MUC22: variants seen among roughly 807,000 people sequenced by gnomAD.
The protein encoded by MUC22 is mucin 22, also known as mucin-22.
In MUC22, 24 loss-of-function variants were observed where a neutral mutation model predicts 40.3. The ratio of observed to expected loss-of-function variants is 0.60; its 90% confidence interval spans 0.43 to 0.84. The LOEUF is 0.84. Among genes scored for constraint, MUC22 ranks in the 40% least tolerant of loss-of-function variants. The pLI, the probability that MUC22 is intolerant of heterozygous loss-of-function variation, is 0.00. For synonymous variants in MUC22, 765 were observed against 844.5 expected (o/e 0.91, Z 1.63); for missense variants, 1,926 against 2,130.7 (o/e 0.90, Z 1.89).
At chr6:31,030,093 T>A (rs1765941458) in exon 2 of MUC22, 6 of 1,526,024 alleles carry the variant, frequency 3.9e-6, no homozygotes, top group Non-Finnish European at 5.3e-6. Flanking sequence ...CCAACACACC[T>A]ATGTCAGGTA....
intron 3 of MUC22, 79 bp from the exon 4 acceptor site, chr6:31,034,593 T>C: frequency 8.2e-7 from 1 of 1,221,868 alleles, no homozygotes; most frequent in Non-Finnish European, 1.1e-6. Flanking sequence ...AATCTGACAT[T>C]GGTGAAACAG....
intron 3 of MUC22, among the ~76,000 whole-genome samples, chr6:31,033,594 G>A (rs1342236745): frequency 6.6e-6 from 1 of 152,194 alleles, no homozygotes; most frequent in Admixed American, 6.5e-5. Flanking sequence ...GTTACCATTT[G>A]AGGAGTGAAG....
intron 2 of MUC22, among the ~76,000 whole-genome samples, chr6:31,030,832 G>T (rs1766009492): frequency 6.6e-6 from 1 of 152,170 alleles, no homozygotes; most frequent in Non-Finnish European, 1.5e-5. Context: ...CATGGGTCAA[G>T]TCTCACCTGT....
At chr6:31,022,706 C>T (rs1464154652) in intron 1 of MUC22, among the ~76,000 whole-genome samples, 2 of 152,072 alleles carry the variant, frequency 1.3e-5, no homozygotes, top group African/African-American at 2.4e-5. Flanking sequence ...ACTCTCATGC[C>T]TTTACAGGAA....
chr6:31,015,863 A>ATT (rs28994678), intron 1 of MUC22, among the ~76,000 whole-genome samples: 1 of 151,844 alleles, frequency 6.6e-6, no homozygotes, highest in Non-Finnish European at 1.5e-5. Context: ...ATTTTATTGC[A>ATT]TTTTTTTCTT....
chr6:31,022,092 C>A (rs1270347605), intron 1 of MUC22, among the ~76,000 whole-genome samples: 1 of 152,070 alleles, frequency 6.6e-6, no homozygotes, highest in Non-Finnish European at 1.5e-5. Flanking sequence ...CCAGCGAGAG[C>A]ACAAACCCAC....
chr6:31,029,768 C>T, exon 2 of MUC22: 1 of 1,534,768 alleles, frequency 6.5e-7, no homozygotes, highest in Non-Finnish European at 8.7e-7. Flanking sequence ...TCTGAGACCA[C>T]CACAGCCTCC....
At chr6:31,018,059 A>T (rs1764374976) in intron 1 of MUC22, among the ~76,000 whole-genome samples, 1 of 152,228 alleles carries the variant, frequency 6.6e-6, no homozygotes, top group Non-Finnish European at 1.5e-5. Flanking sequence ...AGGACACACC[A>T]CTTGTAAGAA....
intron 1 of MUC22, among the ~76,000 whole-genome samples, chr6:31,022,009 A>G (rs1764826208): frequency 6.6e-6 from 1 of 152,160 alleles, no homozygotes; most frequent in Non-Finnish European, 1.5e-5. Flanking sequence ...ACTGAGAGGA[A>G]GGAACAATTC....
chr6:31,027,038 C>T lies in MUC22; in HGVS notation c.1607C>T (p.Thr536Ile), dbSNP rs1765445687. 1.5e-5 allele frequency: 22 copies of T among 1,502,026 alleles called. 2 individuals carry two copies. The highest frequency in any genetic ancestry group is 1.9e-5 in the Non-Finnish European group (21 of 1,122,850). The allele number at this position is 1,502,026 out of a possible 1,614,324, so 93.0% of individuals were successfully genotyped here. ...GCCTCTACTACAGGGTTTGAGACAA[C>T]CGCAGCCTCTACTACAGGCTCTGAG... is the stretch of plus-strand genomic sequence containing the variant. The change falls in exon 2 of 4, where the codon ACC (threonine) becomes ATC (isoleucine). Residue 536 changes from threonine (T) to isoleucine (I), a missense_variant. Around this residue, in one of 3 missense-constraint regions of MUC22, gnomAD observed 1,281 missense variants for 1,337.8 expected, o/e 0.96. Coordinates refer to ENST00000561890, the Ensembl canonical transcript of MUC22.
chr6:31,022,447 A>C (rs9262537), intron 1 of MUC22, among the ~76,000 whole-genome samples: 1 of 150,774 alleles, frequency 6.6e-6, no homozygotes, highest in African/African-American at 2.5e-5. Flanking sequence ...GTGAATCGAC[A>C]GGCAAGACTG....
At chr6:31,026,045 C>A (rs982132047) in exon 2 of MUC22, 3 of 1,530,262 alleles carry the variant, frequency 2.0e-6, no homozygotes, top group Non-Finnish European at 2.6e-6. Flanking sequence ...AGCTCTGAGG[C>A]CACTAAAGTC....
At chr6:31,029,628 TACCACAGTCTCTGAGACC>T in exon 2 of MUC22, 2 of 1,534,158 alleles carry the variant, frequency 1.3e-6, no homozygotes, top group Non-Finnish European at 1.7e-6. Flanking sequence ...CTACAGTCTT[TACCACAGTCTCTGAGACC>T]ACCACAGTCT....
Position 31,011,557 on chromosome 6 carries a change from C to T in MUC22, c.70+781C>T, listed in dbSNP as rs988450044. ...TTTTTATGGCTGAGTAGTATTCCATCGTATATATATGCCAGTTTCTTTATC... is the reference window on the plus strand; with the variant it reads ...TTTTTATGGCTGAGTAGTATTCCATTGTATATATATGCCAGTTTCTTTATC... On this transcript the variant is annotated intron_variant, in intron 1 of 3. Coordinates refer to ENST00000561890, the Ensembl canonical transcript of MUC22. This position sits in a 1 kb window ranked among gnomAD's most constrained non-coding sequence, Gnocchi z 4.5. Among the ~76,000 whole-genome samples, 26 of 152,282 alleles carry T rather than the reference C, an allele frequency of 1.7e-4. No individual in the cohort carries two copies. Among genetic ancestry groups the T allele is most frequent in the African/African-American group, 4.8e-4 (20 of 41,550 alleles).
At chr6:31,006,956 C>A (rs1763561182), upstream of MUC22, among the ~76,000 whole-genome samples, 1 of 151,806 alleles carries the variant, frequency 6.6e-6, no homozygotes, top group African/African-American at 2.4e-5. Flanking sequence ...CAACACCAGC[C>A]TGAGCAATAT....
intron 2 of MUC22, among the ~76,000 whole-genome samples, chr6:31,031,041 T>C (rs1306834856): frequency 1.3e-5 from 2 of 152,226 alleles, no homozygotes; most frequent in Admixed American, 1.3e-4. Context: ...TTTTGTTCAT[T>C]CTCTGGCACT....
chr6:31,013,657 C>G (rs1382421908), intron 1 of MUC22, among the ~76,000 whole-genome samples: 1 of 152,174 alleles, frequency 6.6e-6, no homozygotes, highest in African/African-American at 2.4e-5. Context: ...CATTTACGTT[C>G]ATACTGCATT....
exon 2 of MUC22, chr6:31,025,864 T>C: frequency 3.9e-6 from 6 of 1,535,086 alleles, no homozygotes; most frequent in Non-Finnish European, 5.2e-6. Flanking sequence ...TACTATAGCC[T>C]CCACTACAGT....
chr6:31,030,448 T>C lies in MUC22; in HGVS notation c.4669+348T>C, dbSNP rs575505540. Among the ~76,000 whole-genome samples, 343 of 144,568 alleles carry C rather than the reference T, an allele frequency of 2.4e-3. 2 individuals carry two copies. Among genetic ancestry groups the C allele is most frequent in the African/African-American group, 8.5e-3 (328 of 38,474 alleles). The allele number at this position is 144,568 out of a possible 152,430, so 94.8% of individuals were successfully genotyped here. A position where few individuals can be genotyped will look rare whatever the true frequency, so the allele number is the denominator to read the frequency against. On this transcript the variant is annotated intron_variant, in intron 2 of 3. Transcript: ENST00000561890. Reference sequence around the variant, plus strand: ...AGGAGAATGATGTGAATCCGGGAGGTGGAGCTTGCAGTGAGCAGAGATCGC... The same window carrying C: ...AGGAGAATGATGTGAATCCGGGAGGCGGAGCTTGCAGTGAGCAGAGATCGC...
Sources: allele counts gnomAD v4.1 joint callset (sites outside exome capture counted in the v4.1 genomes callset), GRCh38; gene constraint gnomAD v4.1.1; regional missense constraint gnomAD v4.1.1; non-coding constraint Gnocchi (gnomAD v3.1); transcripts MANE v1.5; gene names NCBI Gene and HGNC (gene_info 2026-07-23, HGNC 2026-07-21).